DYM: variants seen among roughly 807,000 people sequenced by gnomAD.
DYM encodes dyggve-Melchior-Clausen syndrome protein.
A neutral mutation model predicts 93.1 loss-of-function variants in DYM; 78 were observed. That is an observed-to-expected ratio of 0.84 (90% CI 0.70 to 1.01). The LOEUF is 1.01. Among genes scored for constraint, DYM ranks in the 50% least tolerant of loss-of-function variants. The probability of loss-of-function intolerance (pLI) is 0.00; values close to 1 mark genes in which losing one functional copy is unlikely to be tolerated. For synonymous variants in DYM, 321 were observed against 319.7 expected (o/e 1.00, Z -0.04); for missense variants, 789 against 845.0 (o/e 0.93, Z 0.82).
intron 11 of DYM, among the ~76,000 whole-genome samples, chr18:49,258,821 C>CACACACAGAG (rs796581808): frequency 2.2e-5 from 3 of 134,370 alleles, no homozygotes; most frequent in African/African-American, 8.5e-5. Context: ...CACACACACA[C>CACACACAGAG]AGAGACACAC....
intron 15 of DYM, among the ~76,000 whole-genome samples, chr18:49,159,246 G>A (rs890971190): frequency 3.9e-5 from 6 of 152,124 alleles, no homozygotes; most frequent in Admixed American, 3.9e-4. Flanking sequence ...AAGTTAAAGA[G>A]TAAACACCAC....
intron 17 of DYM, among the ~76,000 whole-genome samples, chr18:49,046,263 CAT>C (rs1266523602): frequency 1.0e-5 from 1 of 96,182 alleles, no homozygotes; most frequent in African/African-American, 2.9e-5. Flanking sequence ...ATACCCACAA[CAT>C]ATACACAGAC....
intron 17 of DYM, among the ~76,000 whole-genome samples, chr18:49,092,232 T>A (rs116522386): frequency 3.9e-5 from 6 of 152,198 alleles, no homozygotes; most frequent in African/African-American, 1.4e-4. Context: ...GGGAGTCCTA[T>A]TGTTCCAGTT....
chr18:49,450,023 A>G (rs1000063438), intron 1 of DYM, among the ~76,000 whole-genome samples: 1 of 152,212 alleles, frequency 6.6e-6, no homozygotes, highest in Non-Finnish European at 1.5e-5. Context: ...TTTTTTAGTA[A>G]AAGATTATAA....
intron 5 of DYM, among the ~76,000 whole-genome samples, chr18:49,364,473 A>G (rs1445147740): frequency 1.3e-5 from 2 of 151,674 alleles, no homozygotes; most frequent in Admixed American, 1.3e-4. Flanking sequence ...AAGAAAGAAA[A>G]CTGACTCCTG....
chr18:49,272,395 T>G, intron 10 of DYM, 92 bp from the exon 11 acceptor site: 1 of 886,114 alleles, frequency 1.1e-6, no homozygotes, highest in Non-Finnish European at 1.8e-6. Flanking sequence ...TGCTCTTTGC[T>G]TTAATATCAG....
intron 15 of DYM, among the ~76,000 whole-genome samples, chr18:49,129,690 C>G (rs954630395): frequency 6.6e-6 from 1 of 152,180 alleles, no homozygotes; most frequent in Non-Finnish European, 1.5e-5. Context: ...TGGTATGGAG[C>G]AGGCGACTGA....
intron 10 of DYM, 92 bp downstream of exon 10, chr18:49,281,905 T>C: frequency 7.8e-7 from 1 of 1,280,004 alleles, no homozygotes. Context: ...TATACATATG[T>C]AACTAACCTG....
Position 49,087,447 on chromosome 18 carries a change from A to G in DYM, c.2025+9955T>C, listed in dbSNP as rs1314211448. Among the ~76,000 whole-genome samples the G allele has an allele frequency of 3.3e-5, 5 of 152,368 alleles. No individual in the cohort carries two copies. The East Asian group carries it at 9.6e-4, about 29-fold the overall frequency. On this transcript the variant is annotated intron_variant, in intron 17 of 17. Coordinates refer to ENST00000675505, the MANE Select transcript of DYM (RefSeq NM_001353214.3). ...CTTAAAAATTGCTTACACATCTACC[A>G]CATATTTAATTAAACAAAAATAATG...
At chr18:49,149,569 T>C (rs1024504274) in intron 15 of DYM, among the ~76,000 whole-genome samples, 1 of 152,078 alleles carries the variant, frequency 6.6e-6, no homozygotes, top group Non-Finnish European at 1.5e-5. Context: ...CCTCCTTACA[T>C]TAGAACAGAG....
chr18:49,152,072 C>A (rs2085875902), intron 15 of DYM, among the ~76,000 whole-genome samples: 1 of 152,148 alleles, frequency 6.6e-6, no homozygotes, highest in Non-Finnish European at 1.5e-5. Context: ...ATTCTTTAAA[C>A]TTCACTTAGA....
chr18:49,143,148 A>G (rs879786245), intron 15 of DYM, among the ~76,000 whole-genome samples: 26 of 152,156 alleles, frequency 1.7e-4, no homozygotes, highest in Non-Finnish European at 3.4e-4. Context: ...ATTCAATCCA[A>G]TTCTGGAAAG....
intron 4 of DYM, 115 bp from the exon 5 acceptor site, chr18:49,378,815 A>G (rs2067763683): frequency 1.0e-6 from 1 of 1,001,336 alleles, no homozygotes; most frequent in African/African-American, 1.6e-5. Flanking sequence ...TATTGGTAAT[A>G]TTAGGATAAT....
At chr18:49,449,621 A>T (rs1600363618) in intron 1 of DYM, among the ~76,000 whole-genome samples, 1 of 151,020 alleles carries the variant, frequency 6.6e-6, no homozygotes, top group African/African-American at 2.5e-5. Flanking sequence ...CAAAAGGGTA[A>T]AAGTTTTTTT....
chr18:49,148,731 T>C (rs1192717453), intron 15 of DYM, among the ~76,000 whole-genome samples: 1 of 152,198 alleles, frequency 6.6e-6, no homozygotes, highest in African/African-American at 2.4e-5. Flanking sequence ...TTGTTTAAGA[T>C]GATTATAAAC....
chr18:49,129,119 TAA>T (rs79190958), intron 15 of DYM, among the ~76,000 whole-genome samples: 53 of 132,768 alleles, frequency 4.0e-4, no homozygotes, highest in Admixed American at 4.5e-4. Flanking sequence ...AAGCTCAAGT[TAA>T]AAAAAAAAAA....
intron 11 of DYM, among the ~76,000 whole-genome samples, chr18:49,267,908 C>A (rs2094598876): frequency 6.6e-6 from 1 of 152,032 alleles, no homozygotes; most frequent in Non-Finnish European, 1.5e-5. Flanking sequence ...AACAAACAAA[C>A]AAACAAACAA....
At position 49,337,558 on chromosome 18, in the gene DYM, T is replaced by C. The variant is rs149728480; in HGVS notation, c.495-3705A>G. Among the ~76,000 whole-genome samples the C allele has an allele frequency of 2.5e-3, 388 of 152,284 alleles. 2 individuals carry two copies. The highest frequency in any genetic ancestry group is 8.8e-3 in the African/African-American group (365 of 41,558). ...GCTACTGGTTTTCTCTGTCGATGGA[T>C]CCTGCCTGAGAACATAGCCAATCAC... On this transcript the variant is annotated intron_variant, in intron 6 of 17. Transcript: ENST00000675505.
chr18:49,395,500 A>C (rs995177073), intron 2 of DYM, among the ~76,000 whole-genome samples: 2 of 152,012 alleles, frequency 1.3e-5, no homozygotes, highest in African/African-American at 4.8e-5. Context: ...GTGGTGGCTC[A>C]TGCCTGTAAT....
Sources: allele counts gnomAD v4.1 joint callset (sites outside exome capture counted in the v4.1 genomes callset), GRCh38; gene constraint gnomAD v4.1.1; transcripts MANE v1.5; gene names NCBI Gene and HGNC (gene_info 2026-07-23, HGNC 2026-07-21).